The following NCAM2 variants were observed in gnomAD, a reference collection of about 807,000 sequenced individuals.
NCAM2 encodes the protein neural cell adhesion molecule 2.
NCAM2 carries 30 observed loss-of-function variants against 98.1 expected under a neutral mutation model. That is an observed-to-expected ratio of 0.31 (90% CI 0.23 to 0.41). The LOEUF (loss-of-function observed/expected upper bound fraction) is 0.41. NCAM2 is among the 10% of genes least tolerant of loss of function. The probability of loss-of-function intolerance (pLI) is 1.00; values close to 1 mark genes in which losing one functional copy is unlikely to be tolerated. For synonymous variants in NCAM2, 368 were observed against 342.4 expected, an observed-to-expected ratio of 1.07 and a Z score of -0.83; for missense variants, 867 against 1,005.8, an observed-to-expected ratio of 0.86 and a Z score of 1.87.
chr21:21,325,683 A>G (rs745829674), intron 6 of NCAM2, among the ~76,000 whole-genome samples: 7 of 152,216 alleles, frequency 4.6e-5, no homozygotes, highest in Non-Finnish European at 1.0e-4. Context: ...CTACTGAATC[A>G]TTCATTCCAA....
In NCAM2 at chr21:21,246,886, G is replaced by A. The variant is rs114302511; in HGVS notation, c.56-33692G>A. Among the ~76,000 whole-genome samples, 379 of 152,308 alleles carry A rather than the reference G, an allele frequency of 2.5e-3. 2 individuals carry two copies. The highest frequency in any genetic ancestry group is 8.7e-3 in the African/African-American group (362 of 41,552). On this transcript the variant is annotated intron_variant, in intron 1 of 17. Transcript: ENST00000400546. ...AAGACTAAGGCAACATAGCTAGTGA[G>A]TGGCTAGTATGTAAATTATGGGCTA...
intron 16 of NCAM2, among the ~76,000 whole-genome samples, chr21:21,512,126 C>T (rs931810401): frequency 7.9e-5 from 12 of 151,908 alleles, no homozygotes; most frequent in Middle Eastern, 3.4e-3. Flanking sequence ...TCCATGTTTG[C>T]TTTGTTTATG....
chr21:21,238,025 G>A (rs2070909382), intron 1 of NCAM2, among the ~76,000 whole-genome samples: 1 of 134,192 alleles, frequency 7.5e-6, no homozygotes, highest in Non-Finnish European at 1.5e-5. Context: ...GTGCAGTCTC[G>A]GTTCACTGCA....
intron 12 of NCAM2, among the ~76,000 whole-genome samples, chr21:21,453,021 A>G (rs1487643669): frequency 1.7e-4 from 18 of 107,548 alleles, no homozygotes; most frequent in South Asian, 1.2e-3. Context: ...ATAAAAATAT[A>G]TAATATATAA....
intron 5 of NCAM2, among the ~76,000 whole-genome samples, chr21:21,308,771 T>G (rs944255045): frequency 1.3e-4 from 20 of 152,336 alleles, no homozygotes; most frequent in African/African-American, 4.3e-4. Flanking sequence ...CAACTGATCT[T>G]GATCTTATCT....
chr21:21,046,306 G>A (rs898066876), intron 1 of NCAM2, among the ~76,000 whole-genome samples: 1 of 152,094 alleles, frequency 6.6e-6, no homozygotes, highest in African/African-American at 2.4e-5. Flanking sequence ...CAGGGGATTA[G>A]CATTTGAGTT....
At chr21:21,526,834 G>A (rs1176253814) in intron 16 of NCAM2, among the ~76,000 whole-genome samples, 1 of 151,962 alleles carries the variant, frequency 6.6e-6, no homozygotes, top group Non-Finnish European at 1.5e-5. Flanking sequence ...ATATACTCAA[G>A]TAAACTGACA....
chr21:21,292,923 A>C (rs1189021863), intron 5 of NCAM2, among the ~76,000 whole-genome samples: 1 of 151,972 alleles, frequency 6.6e-6, no homozygotes, highest in Non-Finnish European at 1.5e-5. Context: ...TCATGGCAGA[A>C]GGCAGAGGAG....
At chr21:21,065,336 C>CT (rs1056770296) in intron 1 of NCAM2, among the ~76,000 whole-genome samples, 3 of 151,912 alleles carry the variant, frequency 2.0e-5, no homozygotes, top group African/African-American at 4.8e-5. Flanking sequence ...TCATCTGGGT[C>CT]TTTTTTTTCC....
intron 1 of NCAM2, among the ~76,000 whole-genome samples, chr21:21,025,519 G>A (rs1164922019): frequency 6.6e-6 from 1 of 152,138 alleles, no homozygotes; most frequent in East Asian, 1.9e-4. Context: ...TTTAAATGTA[G>A]AAATTACTGT....
At chr21:21,231,913 C>G (rs748562190) in intron 1 of NCAM2, among the ~76,000 whole-genome samples, 2 of 151,494 alleles carry the variant, frequency 1.3e-5, no homozygotes, top group Non-Finnish European at 1.5e-5. Context: ...CCTACATAAA[C>G]AGCATATGCT....
At chr21:21,270,122 A>G (rs1250535396) in intron 1 of NCAM2, among the ~76,000 whole-genome samples, 2 of 152,190 alleles carry the variant, frequency 1.3e-5, no homozygotes, top group Non-Finnish European at 2.9e-5. Context: ...GGTGATAAAA[A>G]AATCTTACAC....
At chr21:21,264,698 TACAC>T (rs982943370) in intron 1 of NCAM2, among the ~76,000 whole-genome samples, 8 of 149,532 alleles carry the variant, frequency 5.4e-5, no homozygotes, top group South Asian at 2.1e-4. Context: ...CACACATACA[TACAC>T]ACACATACAT....
At chr21:21,269,313 T>C (rs1215720853) in intron 1 of NCAM2, among the ~76,000 whole-genome samples, 1 of 152,170 alleles carries the variant, frequency 6.6e-6, no homozygotes. Context: ...AAATGGTTGA[T>C]TTTATGGAAA....
intron 1 of NCAM2, among the ~76,000 whole-genome samples, chr21:21,233,767 C>T (rs987711351): frequency 2.6e-5 from 4 of 151,654 alleles, no homozygotes; most frequent in South Asian, 4.2e-4. Context: ...TGTTTCCCCA[C>T]GAAAGTAGTA....
chr21:21,002,687 G>A (rs2064041204), intron 1 of NCAM2, among the ~76,000 whole-genome samples: 1 of 152,086 alleles, frequency 6.6e-6, no homozygotes, highest in Admixed American at 6.6e-5. Flanking sequence ...GAAGAAAAGT[G>A]CTCAATAACT....
intron 1 of NCAM2, among the ~76,000 whole-genome samples, chr21:21,258,227 T>C (rs1802630626): frequency 6.6e-6 from 1 of 152,186 alleles, no homozygotes; most frequent in Admixed American, 6.5e-5. Flanking sequence ...GCACTGGTAA[T>C]ACTTTTTTCA....
At chr21:21,529,791 A>G (rs1016027548) in intron 16 of NCAM2, among the ~76,000 whole-genome samples, 1 of 151,740 alleles carries the variant, frequency 6.6e-6, no homozygotes, top group Admixed American at 6.6e-5. Context: ...ATAACATAGT[A>G]TTAGTGTTTC....
intron 9 of NCAM2, among the ~76,000 whole-genome samples, chr21:21,394,972 A>C (rs965494713): frequency 2.0e-5 from 3 of 152,122 alleles, no homozygotes; most frequent in African/African-American, 7.2e-5. Context: ...CTGAATAGCT[A>C]CTTATATTCA....
Sources: allele counts gnomAD v4.1 joint callset (sites outside exome capture counted in the v4.1 genomes callset), GRCh38; gene constraint gnomAD v4.1.1; transcripts MANE v1.5; gene names NCBI Gene and HGNC (gene_info 2026-07-23, HGNC 2026-07-21).